Variants in SUDS3 observed in about 807,000 individuals in gnomAD.
SUDS3 encodes sin3 histone deacetylase corepressor complex component SDS3.
Under a neutral mutation model 53.5 loss-of-function variants are expected in SUDS3, and 23 were observed. The observed-to-expected ratio is 0.43, with a 90% confidence interval of 0.31 to 0.61. The LOEUF (loss-of-function observed/expected upper bound fraction) is 0.61. Among genes scored for constraint, SUDS3 ranks in the 20% least tolerant of loss-of-function variants. The pLI is 0.10. For synonymous variants in SUDS3, 150 were observed against 148.5 expected, an observed-to-expected ratio of 1.01 and a Z score of -0.08; for missense variants, 291 against 405.9, an observed-to-expected ratio of 0.72 and a Z score of 2.43.
In SUDS3 at chr12:118,385,112, C is replaced by CT. The variant is rs760926676; in HGVS notation, c.269-989dup. Among the ~76,000 whole-genome samples the CT allele has an allele frequency of 8.4e-3, 1,207 of 143,682 alleles. 13 individuals carry two copies. Among genetic ancestry groups the CT allele is most frequent in the African/African-American group, 0.027 (1,059 of 39,434 alleles). 94.3% of individuals were successfully genotyped at this position (143,682 alleles called of 152,430 possible). A position where few individuals can be genotyped will look rare whatever the true frequency, so the allele number is the denominator to read the frequency against. The stretch of plus-strand genomic sequence containing the variant: ...TGTCAGTGAAACTGTTTTTGCTTTT[C>CT]TTTTTTTTTTTTTCGAGGCTGAGTT... On this transcript the variant is annotated intron_variant, in intron 3 of 11. Transcript: ENST00000543473.
Position 118,378,442 on chromosome 12 carries a change from C to T in SUDS3, c.142+1609C>T, listed in dbSNP as rs545619011. Among the ~76,000 whole-genome samples, 6 of 151,152 alleles carry T rather than the reference C, an allele frequency of 4.0e-5. No homozygotes were observed. In the South Asian group the frequency reaches 1.3e-3, roughly 32 times the overall value. On this transcript the variant is annotated intron_variant, in intron 1 of 11. Transcript: ENST00000543473. The stretch of plus-strand genomic sequence containing the variant: ...CCTAAACAGTGTAGCGTAACAACTA[C>T]TTACATAGTATTTACATTTTATTGG...
At chr12:118,413,333 A>G (rs1208532279) in intron 11 of SUDS3, among the ~76,000 whole-genome samples, 3 of 152,208 alleles carry the variant, frequency 2.0e-5, no homozygotes, top group Admixed American at 6.5e-5. Flanking sequence ...ATTTAATTGC[A>G]TGTTACAGAA....
chr12:118,389,443 G>A (rs973494464), intron 4 of SUDS3, among the ~76,000 whole-genome samples: 3 of 152,136 alleles, frequency 2.0e-5, no homozygotes, highest in Middle Eastern at 3.2e-3. Flanking sequence ...TTTGCCAGGG[G>A]AGTTTGGTTC....
chr12:118,376,995 T>C (rs1448358129), intron 1 of SUDS3, among the ~76,000 whole-genome samples, 162 bp downstream of exon 1: 1 of 152,068 alleles, frequency 6.6e-6, no homozygotes, highest in East Asian at 1.9e-4. Context: ...CCATCCGTGC[T>C]GGAGTAGCGG....
chr12:118,400,782 C>G (rs1318470907), intron 7 of SUDS3, 28 bp downstream of exon 7: 1 of 1,605,400 alleles, frequency 6.2e-7, no homozygotes, highest in Non-Finnish European at 8.5e-7. Flanking sequence ...GCCTTAACCG[C>G]CTTTCTTTTT....
intron 5 of SUDS3, among the ~76,000 whole-genome samples, chr12:118,390,624 C>T (rs1277792661): frequency 3.9e-5 from 6 of 152,134 alleles, no homozygotes; most frequent in Admixed American, 3.9e-4. Context: ...CCACCATAGG[C>T]CCCTATGTCA....
intron 2 of SUDS3, among the ~76,000 whole-genome samples, chr12:118,383,020 G>C (rs1378025855): frequency 6.6e-6 from 1 of 152,172 alleles, no homozygotes; most frequent in Non-Finnish European, 1.5e-5. Flanking sequence ...GGAATGCCTT[G>C]TGTAATTCAA....
Position 118,391,212 on chromosome 12 carries a change from C to T in SUDS3, c.447C>T (p.Asn149=). ...ACAAGAAGGTTGAGCTGAAAGAGAACCTGATTGCTGAGCTAGAAGAAAAGA... is the reference window on the plus strand; with the variant it reads ...ACAAGAAGGTTGAGCTGAAAGAGAATCTGATTGCTGAGCTAGAAGAAAAGA... The part of the protein sequence containing the change: ...FEDKKVELKE[N]LIAELEEKKK... Residue 149 remains asparagine, a synonymous_variant, in exon 6 of 12, where the codon AAC becomes AAT. Coordinates refer to ENST00000543473, the MANE Select transcript of SUDS3 (RefSeq NM_022491.3). 1 of 1,613,656 alleles carries T rather than the reference C, an allele frequency of 6.2e-7. No individual in the cohort carries two copies.
intron 6 of SUDS3, among the ~76,000 whole-genome samples, chr12:118,400,139 A>G (rs1336828437): frequency 3.3e-5 from 5 of 152,156 alleles, no homozygotes; most frequent in Non-Finnish European, 7.3e-5. Flanking sequence ...TCAAGTAGCT[A>G]CAAAAGGTTA....
intron 4 of SUDS3, among the ~76,000 whole-genome samples, chr12:118,389,400 G>C (rs1387073547): frequency 2.0e-5 from 3 of 152,258 alleles, no homozygotes; most frequent in Non-Finnish European, 4.4e-5. Flanking sequence ...GACTGTTGGC[G>C]GGTGGACTGA....
intron 10 of SUDS3, chr12:118,404,589 A>G (rs1473560949): frequency 6.6e-6 from 1 of 152,144 alleles, no homozygotes; most frequent in Non-Finnish European, 1.5e-5. Flanking sequence ...TACTGCCATC[A>G]TTTCTCAGGT....
At position 118,402,014 on chromosome 12, in the gene SUDS3, T is replaced by C. The variant is rs1314233102; in HGVS notation, c.697+10T>C. The C allele has an allele frequency of 6.2e-7, 1 of 1,613,952 alleles. No individual in the cohort carries two copies. The highest frequency in any genetic ancestry group is 1.7e-5 in the Admixed American group (1 of 60,030). On this transcript the variant is annotated intron_variant, in intron 9 of 11. Transcript: ENST00000543473. Reference sequence around the variant, plus strand: ...TCACCCAAGAGACCAGGTGAGTGCATGATGTGTTGGCATTTGTGCAACCTT... The same window carrying C: ...TCACCCAAGAGACCAGGTGAGTGCACGATGTGTTGGCATTTGTGCAACCTT...
rs1249065710 is a variant in SUDS3 at position 118,409,996 on chromosome 12, C to G, written c.804-1077C>G. Among the ~76,000 whole-genome samples the G allele has an allele frequency of 4.6e-5, 7 of 152,360 alleles. No homozygotes were observed. In the South Asian group the frequency reaches 1.0e-3, roughly 23 times the overall value. ...GAGTGTCTGTCTTATCTACTGTATT[C>G]AAAGCAGCTTTCCCAACTGTCCAGG... is the stretch of plus-strand genomic sequence containing the variant. On this transcript the variant is annotated intron_variant, in intron 10 of 11. Transcript: ENST00000543473.
intron 9 of SUDS3, 94 bp downstream of exon 9, chr12:118,402,098 A>G (rs985429569): frequency 7.0e-7 from 1 of 1,434,288 alleles, no homozygotes; most frequent in African/African-American, 1.4e-5. Flanking sequence ...GCAATTTTCA[A>G]AAATGAAATG....
At chr12:118,396,040 A>G (rs2046212315) in intron 6 of SUDS3, among the ~76,000 whole-genome samples, 2 of 151,998 alleles carry the variant, frequency 1.3e-5, no homozygotes, top group Admixed American at 1.3e-4. Flanking sequence ...TTACCACCGC[A>G]GCATTAATTT....
chr12:118,388,835 C>T (rs1480952052), intron 4 of SUDS3, among the ~76,000 whole-genome samples: 2 of 152,122 alleles, frequency 1.3e-5, no homozygotes, highest in African/African-American at 2.4e-5. Context: ...CCACATATAG[C>T]CCTTCATATA....
chr12:118,380,115 C>A, intron 1 of SUDS3, 47 bp from the exon 2 acceptor site: 1 of 1,511,136 alleles, frequency 6.6e-7, no homozygotes, highest in Non-Finnish European at 9.1e-7. Flanking sequence ...GACGCCAACT[C>A]CGTGAATTAT....
chr12:118,398,464 GT>G (rs2141378598), intron 6 of SUDS3, among the ~76,000 whole-genome samples: 1 of 151,662 alleles, frequency 6.6e-6, no homozygotes, highest in African/African-American at 2.4e-5. Flanking sequence ...TTCACCACTT[GT>G]TTCTGGTGTG....
chr12:118,379,410 C>T (rs1044943955), intron 1 of SUDS3, among the ~76,000 whole-genome samples: 1 of 152,114 alleles, frequency 6.6e-6, no homozygotes, highest in South Asian at 2.1e-4. Flanking sequence ...GCACTCCAGC[C>T]TGGGCGACAG....
Sources: allele counts gnomAD v4.1 joint callset (sites outside exome capture counted in the v4.1 genomes callset), GRCh38; gene constraint gnomAD v4.1.1; transcripts MANE v1.5; gene names NCBI Gene and HGNC (gene_info 2026-07-23, HGNC 2026-07-21).